The following CHD6 variants were observed in gnomAD, a reference collection of about 807,000 sequenced individuals.
The protein encoded by CHD6 is chromodomain helicase DNA binding protein 6, also known as ATP-dependent chromatin remodeler CHD6.
A neutral mutation model predicts 276.9 loss-of-function variants in CHD6; 50 were observed. The observed-to-expected ratio is 0.18, with a 90% CI of 0.14 to 0.23. CHD6 has a LOEUF of 0.23. CHD6 is among the 10% of genes least tolerant of loss of function. CHD6 has a pLI of 1.00. For missense variants in CHD6, 2,564 were observed against 3,365.8 expected (o/e 0.76, Z 5.89); for synonymous variants, 1,173 against 1,229.3 (o/e 0.95, Z 0.96).
At chr20:41,563,367 T>C (rs2045322708) in intron 1 of CHD6, among the ~76,000 whole-genome samples, 1 of 152,242 alleles carries the variant, frequency 6.6e-6, no homozygotes, top group Non-Finnish European at 1.5e-5. Context: ...GTATCCTATG[T>C]TGCTATAATT....
chr20:41,577,759 GA>G (rs1759733843), intron 1 of CHD6, among the ~76,000 whole-genome samples: 2 of 152,206 alleles, frequency 1.3e-5, no homozygotes, highest in Admixed American at 1.3e-4. Context: ...TCTAGTAATA[GA>G]GACACTAGAC....
chr20:41,442,117 T>A (rs1373264096), intron 25 of CHD6, among the ~76,000 whole-genome samples: 6 of 152,076 alleles, frequency 3.9e-5, no homozygotes, highest in African/African-American at 1.4e-4. Flanking sequence ...TTTAACAGGG[T>A]TACAGCAGGC....
In CHD6 at chr20:41,493,708, T is replaced by C. The variant is rs2145875592; in HGVS notation, c.1180-36A>G. On this transcript the variant is annotated intron_variant, in intron 9 of 36. Coordinates refer to ENST00000373233, the MANE Select transcript of CHD6 (RefSeq NM_032221.5). ...AACAGGAAAGAAACTTAATGTTCTA[T>C]TAGGTTAAAGGAGTCAGTAGTATCT... The C allele has an allele frequency of 1.2e-6, 2 of 1,611,740 alleles. 1 individual carries two copies. The highest frequency in any genetic ancestry group is 3.3e-4 in the Middle Eastern group (2 of 6,052).
intron 3 of CHD6, among the ~76,000 whole-genome samples, chr20:41,524,880 G>C (rs764763244): frequency 3.9e-5 from 6 of 152,168 alleles, no homozygotes; most frequent in Non-Finnish European, 8.8e-5. Flanking sequence ...ACCTCAATCT[G>C]AGGATGCTAA....
intron 36 of CHD6, among the ~76,000 whole-genome samples, chr20:41,411,647 T>C (rs2046843874): frequency 6.6e-6 from 1 of 152,234 alleles, no homozygotes; most frequent in Admixed American, 6.5e-5. Flanking sequence ...AGAAGTATTC[T>C]GCAGAAGTCT....
chr20:41,490,541 G>A (rs139453328), intron 11 of CHD6, among the ~76,000 whole-genome samples: 72 of 152,242 alleles, frequency 4.7e-4, no homozygotes, highest in African/African-American at 1.5e-3. Flanking sequence ...GGCCAGGCGC[G>A]GTGGCTCACA....
chr20:41,616,526 A>T (rs943292435), intron 1 of CHD6, among the ~76,000 whole-genome samples: 3 of 152,212 alleles, frequency 2.0e-5, no homozygotes, highest in Admixed American at 2.0e-4. Context: ...GTGGGGAAAG[A>T]TGTGTGCAGG....
At position 41,557,249 on chromosome 20, in the gene CHD6, G is replaced by A. The variant is rs909794055; in HGVS notation, c.-23-5889C>T. 2.9e-4 allele frequency among the ~76,000 whole-genome samples: 44 copies of A among 152,104 alleles called. 1 individual carries two copies. The highest frequency in any genetic ancestry group is 8.5e-4 in the Admixed American group (13 of 15,212). On this transcript the variant is annotated intron_variant, in intron 1 of 36. Coordinates refer to ENST00000373233, the MANE Select transcript of CHD6 (RefSeq NM_032221.5). ...GCATTATGTATGAGTGCTTCCGTAG[G>A]AGCACGGCATTTAATTATCTTCACA...
intron 1 of CHD6, among the ~76,000 whole-genome samples, chr20:41,589,426 C>A (rs1043468091): frequency 6.6e-6 from 1 of 152,144 alleles, no homozygotes. Context: ...GGAAGTCAAA[C>A]CGTCCCTGTT....
At chr20:41,476,735 G>A (rs560171374) in intron 16 of CHD6, among the ~76,000 whole-genome samples, 2 of 151,514 alleles carry the variant, frequency 1.3e-5, no homozygotes, top group African/African-American at 4.8e-5. Context: ...AAGGACCCAA[G>A]TTAAGTGTAG....
intron 25 of CHD6, among the ~76,000 whole-genome samples, chr20:41,440,393 TTC>T (rs2047863902): frequency 6.6e-6 from 1 of 152,196 alleles, no homozygotes. Flanking sequence ...AGATACACAA[TTC>T]TGTTTGCTGC....
At chr20:41,456,390 T>C (rs958073006) in intron 18 of CHD6, among the ~76,000 whole-genome samples, 10 of 151,872 alleles carry the variant, frequency 6.6e-5, no homozygotes, top group African/African-American at 2.2e-4. Context: ...TAAATAAATA[T>C]GTATATTAGT....
chr20:41,453,268 A>T (rs1452892761), intron 20 of CHD6, among the ~76,000 whole-genome samples: 1 of 152,168 alleles, frequency 6.6e-6, no homozygotes, highest in Admixed American at 6.5e-5. Flanking sequence ...GCCAAGAAAG[A>T]CTGGAGTAGT....
At position 41,405,417 on chromosome 20, in the gene CHD6, T is replaced by A. The variant is rs2046646143; in HGVS notation, c.7324A>T (p.Arg2442Trp). The A allele has an allele frequency of 6.2e-7, 1 of 1,612,060 alleles. No homozygotes were observed. Among genetic ancestry groups the A allele is most frequent in the Non-Finnish European group, 8.5e-7 (1 of 1,178,544 alleles). The part of the protein sequence containing the change: ...PILRDTGPRR[R>W]GRRPRSELLK... ...AGTTCGCTCCGAGGCCGCCTCCCCC[T>A]CCTGCGGGGGCCCGTATCTCGAAGA... Residue 2442 changes from arginine (R) to tryptophan (W), a missense_variant, in exon 37 of 37, where the codon AGG (arginine) becomes TGG (tryptophan). Physicochemically the swap from Arg to Trp is moderately radical, Grantham distance 101. Around this residue, in one of 7 missense-constraint regions of CHD6, gnomAD observed 1,024 missense variants for 1,047.9 expected, o/e 0.98. Coordinates refer to ENST00000373233, the MANE Select transcript of CHD6 (RefSeq NM_032221.5).
chr20:41,549,422 T>C lies in CHD6; in HGVS notation c.33+1883A>G, dbSNP rs1479297265. The stretch of plus-strand genomic sequence containing the variant: ...AAAACCAAACACTGCATGTTCTCAC[T>C]CACAGGTGGGAACTGAACAATGAGA... On this transcript the variant is annotated intron_variant, in intron 2 of 36. Transcript: ENST00000373233. Among the ~76,000 whole-genome samples the C allele has an allele frequency of 1.1e-4, 15 of 141,770 alleles. No homozygotes were observed. In the Admixed American group the frequency reaches 1.1e-3, roughly 11 times the overall value. The allele number at this position is 141,770 out of a possible 152,430, so 93.0% of individuals were successfully genotyped here.
chr20:41,540,329 T>C (rs1027760727), intron 2 of CHD6, among the ~76,000 whole-genome samples: 1 of 152,238 alleles, frequency 6.6e-6, no homozygotes, highest in Non-Finnish European at 1.5e-5. Flanking sequence ...AAAATGTTAA[T>C]AGTAATCATC....
chr20:41,584,319 G>A (rs2045570666), intron 1 of CHD6, among the ~76,000 whole-genome samples: 1 of 152,116 alleles, frequency 6.6e-6, no homozygotes, highest in Non-Finnish European at 1.5e-5. Context: ...CCTGACATCA[G>A]AGCTTAACAG....
chr20:41,497,978 G>A (rs1294324511), intron 7 of CHD6, 190 bp downstream of exon 7: 4 of 560,678 alleles, frequency 7.1e-6, no homozygotes, highest in African/African-American at 5.7e-5. Context: ...GTTTAAAAAA[G>A]CTCTCCAGGT....
At chr20:41,506,637 T>C (rs889869980) in intron 5 of CHD6, among the ~76,000 whole-genome samples, 1 of 152,196 alleles carries the variant, frequency 6.6e-6, no homozygotes, top group African/African-American at 2.4e-5. Context: ...AATTTTCTTA[T>C]TTAAGGTTTA....
Sources: gnomAD v4.1 joint callset for allele counts (sites outside exome capture counted in the v4.1 genomes callset) on GRCh38, gnomAD v4.1.1 for gene constraint, gnomAD v4.1.1 regional missense constraint, MANE v1.5 for transcripts, NCBI Gene and HGNC (gene_info 2026-07-23, HGNC 2026-07-21) for gene names.